PRKCB: variants seen among roughly 807,000 people sequenced by gnomAD.
PRKCB encodes protein kinase C beta.
In PRKCB, 13 loss-of-function variants were observed where a neutral mutation model predicts 81.5. That is an observed-to-expected ratio of 0.16 (90% CI 0.10 to 0.25). The LOEUF is 0.25. Among genes scored for constraint, PRKCB ranks in the 10% least tolerant of loss-of-function variants. PRKCB has a pLI of 1.00. For missense variants in PRKCB, 509 were observed against 875.7 expected (o/e 0.58, Z 5.29); for synonymous variants, 335 against 321.4 (o/e 1.04, Z -0.45).
chr16:24,046,786 A>T (rs1258164531), intron 5 of PRKCB, among the ~76,000 whole-genome samples: 1 of 152,202 alleles, frequency 6.6e-6, no homozygotes, highest in Non-Finnish European at 1.5e-5. Context: ...TTCTAAGTGC[A>T]TGGAAATTTA....
In PRKCB at chr16:24,214,918, A is replaced by AT. The variant is rs1567415771; in HGVS notation, c.*106dup. 29 of 1,549,870 alleles carry AT rather than the reference A, an allele frequency of 1.9e-5. No individual in the cohort carries two copies. In the South Asian group the frequency reaches 2.6e-4, roughly 14 times the overall value. On this transcript the variant is annotated 3_prime_UTR_variant, in exon 17 of 17. Transcript: ENST00000643927. ...CATTGCCAAGTTGCATCCATGTTTGATTTTCTGATGAGACTAGAGTGACAG... is the reference window on the plus strand; with the variant it reads ...CATTGCCAAGTTGCATCCATGTTTGATTTTTCTGATGAGACTAGAGTGACAG...
chr16:24,046,698 G>C (rs1965770906), intron 5 of PRKCB, among the ~76,000 whole-genome samples: 1 of 152,132 alleles, frequency 6.6e-6, no homozygotes, highest in African/African-American at 2.4e-5. Context: ...CCTCGGGATG[G>C]GGAGGGGTGG....
At chr16:23,866,995 CCCTTCCTTCCTT>C (rs1313990151) in intron 2 of PRKCB, among the ~76,000 whole-genome samples, 2 of 71,644 alleles carry the variant, frequency 2.8e-5, no homozygotes, top group Non-Finnish European at 5.5e-5. Context: ...TCCCTTCCTT[CCCTTCCTTCCTT>C]CCTTCCTTCC....
chr16:23,974,533 G>A (rs541170770), intron 2 of PRKCB, among the ~76,000 whole-genome samples: 1 of 152,150 alleles, frequency 6.6e-6, no homozygotes, highest in African/African-American at 2.4e-5. Flanking sequence ...CGACTTCTGC[G>A]CAGTTGAAGA....
intron 3 of PRKCB, among the ~76,000 whole-genome samples, chr16:24,013,190 C>T (rs1439731198): frequency 6.6e-6 from 1 of 152,180 alleles, no homozygotes; most frequent in Admixed American, 6.5e-5. Flanking sequence ...ATATTTTGTA[C>T]TCAGCACACC....
At chr16:23,889,082 C>T (rs570795006) in intron 2 of PRKCB, among the ~76,000 whole-genome samples, 1 of 152,134 alleles carries the variant, frequency 6.6e-6, no homozygotes, top group Admixed American at 6.6e-5. Context: ...ACTCACTAAC[C>T]CACCCACTCA....
At chr16:24,199,535 G>A (rs1021410999) in intron 16 of PRKCB, among the ~76,000 whole-genome samples, 2 of 152,124 alleles carry the variant, frequency 1.3e-5, no homozygotes, top group Non-Finnish European at 2.9e-5. Flanking sequence ...TACTCAATGT[G>A]ATTTATTTAA....
chr16:24,217,211 C>T lies in PRKCB; in HGVS notation c.*2395C>T, dbSNP rs904540933. 2.8e-5 allele frequency: 28 copies of T among 985,020 alleles called. 1 individual carries two copies. The highest frequency in any genetic ancestry group is 1.2e-6 in the Non-Finnish European group (1 of 829,824). The allele number at this position is 985,020 out of a possible 1,614,324, so 61.0% of individuals were successfully genotyped here. On this transcript the variant is annotated 3_prime_UTR_variant, in exon 17 of 17. Transcript: ENST00000643927. ...ATAGTGTTATAAATACTGCACTCAA[C>T]ATTTTCCAAATTCTTGCCATTATTT...
intron 3 of PRKCB, among the ~76,000 whole-genome samples, chr16:24,021,629 G>A (rs951889324): frequency 1.3e-5 from 2 of 152,118 alleles, no homozygotes; most frequent in East Asian, 1.9e-4. Context: ...GAGCAGGGGG[G>A]CAGCCAGGGG....
intron 9 of PRKCB, among the ~76,000 whole-genome samples, chr16:24,136,098 T>G (rs1048534097): frequency 4.2e-4 from 63 of 148,648 alleles, no homozygotes; most frequent in African/African-American, 7.1e-4. Context: ...TGCAGCGTGT[T>G]TTTTTTTTTT....
rs375339432 is a variant in PRKCB, at chr16:24,148,436, A to G, written c.1066-6248A>G. The stretch of plus-strand genomic sequence containing the variant: ...GTTCTGCATTCCTGGTGCCTATCTC[A>G]GTGTCTGACACATCCTAGACCCTAA... On this transcript the variant is annotated intron_variant, in intron 9 of 16. Transcript: ENST00000643927. Among the ~76,000 whole-genome samples, 313 of 152,304 alleles carry G rather than the reference A, an allele frequency of 2.1e-3. 1 individual carries two copies. Among genetic ancestry groups the G allele is most frequent in the African/African-American group, 7.3e-3 (302 of 41,552 alleles).
intron 10 of PRKCB, among the ~76,000 whole-genome samples, chr16:24,168,277 T>C (rs1967377912): frequency 6.6e-6 from 1 of 152,150 alleles, no homozygotes; most frequent in African/African-American, 2.4e-5. Flanking sequence ...TAGTAAGTAG[T>C]GCAACAAGAC....
chr16:24,107,069 C>T (rs981231850), intron 7 of PRKCB, among the ~76,000 whole-genome samples: 14 of 152,174 alleles, frequency 9.2e-5, no homozygotes, highest in African/African-American at 2.9e-4. Flanking sequence ...TTTTCATTGA[C>T]TAATTGTTAT....
intron 9 of PRKCB, among the ~76,000 whole-genome samples, chr16:24,137,979 G>C (rs951211785): frequency 1.3e-5 from 2 of 152,226 alleles, no homozygotes; most frequent in African/African-American, 4.8e-5. Context: ...GAACTCATCT[G>C]AGTGTTTTAT....
At chr16:24,099,315 G>T (rs973549854) in intron 7 of PRKCB, 1 of 152,216 alleles carries the variant, frequency 6.6e-6, no homozygotes, top group Non-Finnish European at 1.5e-5. Context: ...GCTGCATGTG[G>T]TACTTTCTGA....
intron 7 of PRKCB, among the ~76,000 whole-genome samples, chr16:24,106,252 C>T (rs187077889): frequency 6.6e-6 from 1 of 152,028 alleles, no homozygotes; most frequent in African/African-American, 2.4e-5. Flanking sequence ...AGATAATAGT[C>T]GTAATTATGT....
chr16:23,953,909 C>T (rs1964315757), intron 2 of PRKCB, among the ~76,000 whole-genome samples: 1 of 149,816 alleles, frequency 6.7e-6, no homozygotes, highest in Admixed American at 6.7e-5. Flanking sequence ...TTCTGTGTCA[C>T]CCAGGCTGGA....
chr16:24,140,418 A>G (rs1966887435), intron 9 of PRKCB, among the ~76,000 whole-genome samples: 1 of 152,126 alleles, frequency 6.6e-6, no homozygotes, highest in Admixed American at 6.5e-5. Context: ...ATTTCTCAAG[A>G]GGGGAATTAT....
chr16:24,182,643 G>A (rs1967643447), intron 13 of PRKCB, among the ~76,000 whole-genome samples: 1 of 152,194 alleles, frequency 6.6e-6, no homozygotes, highest in Non-Finnish European at 1.5e-5. Context: ...AGCCTGGGAT[G>A]TGACAGCAGT....
Sources: allele counts gnomAD v4.1 joint callset (sites outside exome capture counted in the v4.1 genomes callset), GRCh38; gene constraint gnomAD v4.1.1; transcripts MANE v1.5; gene names NCBI Gene and HGNC (gene_info 2026-07-23, HGNC 2026-07-21).